The following RSF1 variants were observed in gnomAD, a reference collection of about 807,000 sequenced individuals.
RSF1 encodes the protein HBV pX-associated protein 8.
Under a neutral mutation model 145.2 loss-of-function variants are expected in RSF1, and 13 were observed. The observed-to-expected ratio is 0.09, with a 90% CI of 0.06 to 0.14. The LOEUF is 0.14. RSF1 is among the 10% of genes least tolerant of loss of function. The probability of loss-of-function intolerance (pLI) is 1.00; values close to 1 mark genes in which losing one functional copy is unlikely to be tolerated. For missense variants in RSF1, 1,517 were observed against 1,718.2 expected, an observed-to-expected ratio of 0.88 and a Z score of 2.07; for synonymous variants, 577 against 592.6, an observed-to-expected ratio of 0.97 and a Z score of 0.38.
At chr11:77,770,525 C>T (rs1447319668) in intron 1 of RSF1, among the ~76,000 whole-genome samples, 1 of 152,132 alleles carries the variant, frequency 6.6e-6, no homozygotes. Context: ...ACCTCATTAC[C>T]ATTGTGGAAA....
intron 7 of RSF1, among the ~76,000 whole-genome samples, chr11:77,695,943 C>A (rs77194538): frequency 6.6e-6 from 1 of 152,128 alleles, no homozygotes; most frequent in African/African-American, 2.4e-5. Context: ...ATTTGCTCAA[C>A]CCTAGTATAG....
chr11:77,672,905 A>C (rs981282757), intron 14 of RSF1, among the ~76,000 whole-genome samples: 3 of 152,146 alleles, frequency 2.0e-5, no homozygotes, highest in African/African-American at 7.2e-5. Context: ...CTGGTCTTGA[A>C]TTCCTGGCCT....
chr11:77,862,862 C>T, the RSF1 span, among the ~76,000 whole-genome samples: 1 of 152,204 alleles, frequency 6.6e-6, no homozygotes, highest in African/African-American at 2.4e-5. Context: ...AAATATAAGT[C>T]GTTTCTTTCT....
intron 1 of RSF1, among the ~76,000 whole-genome samples, chr11:77,770,373 T>C (rs1948270333): frequency 6.6e-6 from 1 of 152,154 alleles, no homozygotes; most frequent in African/African-American, 2.4e-5. Flanking sequence ...GAGAATTGCT[T>C]GAACCTGGGA....
intron 11 of RSF1, among the ~76,000 whole-genome samples, chr11:77,679,081 T>C (rs556375514): frequency 1.3e-5 from 2 of 152,182 alleles, no homozygotes; most frequent in East Asian, 1.9e-4. Context: ...AACTCTGCTA[T>C]TGTAGTGCAA....
At chr11:77,725,041 CAGAT>C (rs1363268831) in intron 5 of RSF1, among the ~76,000 whole-genome samples, 1 of 152,102 alleles carries the variant, frequency 6.6e-6, no homozygotes, top group Non-Finnish European at 1.5e-5. Context: ...TCATAAGAGA[CAGAT>C]AGCAGAATGA....
At chr11:77,858,032 G>C in the RSF1 span, among the ~76,000 whole-genome samples, 1 of 151,700 alleles carries the variant, frequency 6.6e-6, no homozygotes, top group Non-Finnish European at 1.5e-5. Context: ...TTAGGTATTT[G>C]TCCTAATGCT....
chr11:77,872,113 C>T, the RSF1 span: 1 of 1,542,830 alleles, frequency 6.5e-7, no homozygotes, highest in East Asian at 2.3e-5. Context: ...TGCCTCATGG[C>T]AGTAAAGGAA....
chr11:77,828,215 C>T, the RSF1 span, among the ~76,000 whole-genome samples: 2 of 152,018 alleles, frequency 1.3e-5, no homozygotes, highest in African/African-American at 4.8e-5. Context: ...GCAGAGGTTG[C>T]AGTGAGCCAA....
intron 1 of RSF1, among the ~76,000 whole-genome samples, chr11:77,794,653 T>G (rs1340253451): frequency 6.6e-6 from 1 of 152,076 alleles, no homozygotes; most frequent in Non-Finnish European, 1.5e-5. Flanking sequence ...TATCAATCTC[T>G]TCATGATAAA....
intron 7 of RSF1, among the ~76,000 whole-genome samples, chr11:77,694,652 A>G (rs1362206480): frequency 1.3e-5 from 2 of 152,228 alleles, no homozygotes; most frequent in African/African-American, 2.4e-5. Context: ...ACTATGGTAC[A>G]TTTATCAAAA....
intron 3 of RSF1, among the ~76,000 whole-genome samples, chr11:77,742,428 T>C (rs540910490): frequency 1.9e-4 from 29 of 152,152 alleles, no homozygotes; most frequent in Non-Finnish European, 3.2e-4. Context: ...TACAGGGGCG[T>C]GCCACCATGC....
chr11:77,768,157 T>C (rs987873141), intron 1 of RSF1, among the ~76,000 whole-genome samples: 1 of 146,054 alleles, frequency 6.8e-6, no homozygotes, highest in African/African-American at 2.6e-5. Context: ...CAACATATTA[T>C]CAGCTTTTTT....
chr11:77,701,927 C>A lies in RSF1; in HGVS notation c.1302G>T (p.Leu434Phe). ...TTACCAGCTGTTTCCCTTCATGACC[C>A]AAAGCAGTGATTGTAGAGATCCTTT... ...TCKRISTITA[L>F]GHEGKQLVNG... is the part of the protein sequence containing the mutation. Residue 434 changes from leucine to phenylalanine, a missense_variant, in exon 6 of 16, where the codon TTG (leucine) becomes TTT (phenylalanine). Physicochemically the swap from Leu to Phe is conservative, Grantham distance 22. Coordinates refer to ENST00000308488, the MANE Select transcript of RSF1 (RefSeq NM_016578.4). 1.2e-6 allele frequency: 2 copies of A among 1,613,680 alleles called. No individual in the cohort carries two copies. The highest frequency in any genetic ancestry group is 1.7e-6 in the Non-Finnish European group (2 of 1,179,880).
At chr11:77,718,414 C>T (rs980006979) in intron 5 of RSF1, 8 of 152,152 alleles carry the variant, frequency 5.3e-5, no homozygotes, top group Admixed American at 5.2e-4. Context: ...AAATATCAGT[C>T]CTCCCCCTCC....
At chr11:77,866,986 G>C in the RSF1 span, among the ~76,000 whole-genome samples, 1 of 151,994 alleles carries the variant, frequency 6.6e-6, no homozygotes, top group African/African-American at 2.4e-5. Context: ...AATTACAGGC[G>C]CATGTCACCA....
chr11:77,811,693 CG>C (rs1010655043), intron 1 of RSF1, among the ~76,000 whole-genome samples: 27 of 152,052 alleles, frequency 1.8e-4, no homozygotes, highest in African/African-American at 6.3e-4. Context: ...AGCAGTTTGG[CG>C]TGATTAAAAC....
intron 2 of RSF1, among the ~76,000 whole-genome samples, chr11:77,752,874 A>G (rs982208458): frequency 2.0e-5 from 3 of 152,170 alleles, no homozygotes; most frequent in African/African-American, 7.2e-5. Flanking sequence ...AGGTTGCAGT[A>G]AAGAAGCCAC....
At chr11:77,814,735 G>A (rs905320447) in intron 1 of RSF1, among the ~76,000 whole-genome samples, 7 of 152,088 alleles carry the variant, frequency 4.6e-5, no homozygotes, top group South Asian at 2.1e-4. Flanking sequence ...ATGAGCCACC[G>A]TGCCCAGCCG....
Sources: gnomAD v4.1 joint callset for allele counts (sites outside exome capture counted in the v4.1 genomes callset) on GRCh38, gnomAD v4.1.1 for gene constraint, MANE v1.5 for transcripts, NCBI Gene and HGNC (gene_info 2026-07-23, HGNC 2026-07-21) for gene names.